AP3S1: variants seen among roughly 807,000 people sequenced by gnomAD.
AP3S1 encodes adaptor related protein complex 3 subunit sigma 1.
In AP3S1, 12 loss-of-function variants were observed where a neutral mutation model predicts 21.3. The observed-to-expected ratio is 0.56, with a 90% CI of 0.36 to 0.91. AP3S1 has a LOEUF of 0.91. AP3S1 is among the 40% of genes least tolerant of loss of function. The probability of loss-of-function intolerance (pLI) is 0.01; values close to 1 mark genes in which losing one functional copy is unlikely to be tolerated. For synonymous variants in AP3S1, 48 were observed against 78.4 expected, an observed-to-expected ratio of 0.61 and a Z score of 2.05; for missense variants, 116 against 225.0, an observed-to-expected ratio of 0.52 and a Z score of 3.10.
At chr5:115,854,614 G>C (rs1762666379) in intron 1 of AP3S1, among the ~76,000 whole-genome samples, 1 of 151,976 alleles carries the variant, frequency 6.6e-6, no homozygotes, top group African/African-American at 2.4e-5. Context: ...TTCTTTGCTA[G>C]GGTCTTCTCT....
intron 2 of AP3S1, among the ~76,000 whole-genome samples, chr5:115,869,493 C>G (rs1346824170): frequency 6.6e-6 from 1 of 152,110 alleles, no homozygotes; most frequent in Non-Finnish European, 1.5e-5. Flanking sequence ...TTTTTCTCTT[C>G]CCTGAACATA....
intron 3 of AP3S1, among the ~76,000 whole-genome samples, chr5:115,874,395 C>T (rs888260090): frequency 5.3e-5 from 8 of 152,080 alleles, no homozygotes; most frequent in African/African-American, 1.9e-4. Flanking sequence ...TATTTATAAG[C>T]AGTTGTATTG....
At chr5:115,857,487 A>G (rs1330425504) in intron 1 of AP3S1, among the ~76,000 whole-genome samples, 5 of 152,176 alleles carry the variant, frequency 3.3e-5, no homozygotes, top group Non-Finnish European at 7.4e-5. Flanking sequence ...GAATAAACCC[A>G]TATATCTGGT....
chr5:115,842,153 G>C, intron 1 of AP3S1, 47 bp downstream of exon 1: 1 of 1,522,816 alleles, frequency 6.6e-7, no homozygotes, highest in Non-Finnish European at 8.8e-7. Context: ...AGTCGTTGGC[G>C]ACGGGCAGCG....
chr5:115,856,079 A>C (rs987535694), intron 1 of AP3S1, among the ~76,000 whole-genome samples: 1 of 152,188 alleles, frequency 6.6e-6, no homozygotes, highest in Non-Finnish European at 1.5e-5. Flanking sequence ...AGTTGTCTTT[A>C]GACTGATGTA....
rs3984986 is a variant in AP3S1, at chr5:115,913,705, AT to A, written c.*226del. 1,889 of 689,664 alleles carry A rather than the reference AT, an allele frequency of 2.7e-3. No homozygotes were observed. Among genetic ancestry groups the A allele is most frequent in the East Asian group, 5.5e-3 (161 of 29,016 alleles). 42.7% of individuals were successfully genotyped at this position (689,664 alleles called of 1,614,324 possible). ...AAAGAAATTGAGTAGTTCCTATGTG[AT>A]TTTTTTTTTTCTTTTCTAAACTGCA... On this transcript the variant is annotated 3_prime_UTR_variant, in exon 6 of 6. Coordinates refer to ENST00000316788, the MANE Select transcript of AP3S1 (RefSeq NM_001284.4).
At chr5:115,908,971 T>A (rs895231155) in intron 5 of AP3S1, 19 of 984,450 alleles carry the variant, frequency 1.9e-5, no homozygotes, top group Non-Finnish European at 2.2e-5. Context: ...TCTTTCACTT[T>A]GCTGTTAGGT....
intron 3 of AP3S1, among the ~76,000 whole-genome samples, chr5:115,880,016 G>T (rs554713608): frequency 6.6e-6 from 1 of 152,334 alleles, no homozygotes; most frequent in East Asian, 1.9e-4. Context: ...AGTATTCTCT[G>T]ATGGTAGTTT....
At chr5:115,908,197 C>T (rs1751814153) in intron 5 of AP3S1, among the ~76,000 whole-genome samples, 2 of 152,074 alleles carry the variant, frequency 1.3e-5, no homozygotes, top group Admixed American at 1.3e-4. Flanking sequence ...TTTTGTCCCT[C>T]ATATAGAGAA....
intron 2 of AP3S1, among the ~76,000 whole-genome samples, chr5:115,869,747 T>C (rs537040344): frequency 1.3e-4 from 20 of 152,328 alleles, no homozygotes; most frequent in African/African-American, 4.8e-4. Context: ...TCTTCCCCAC[T>C]ACCAGTGCTT....
chr5:115,896,666 C>G (rs1039566616), intron 4 of AP3S1, among the ~76,000 whole-genome samples: 1 of 152,082 alleles, frequency 6.6e-6, no homozygotes, highest in African/African-American at 2.4e-5. Flanking sequence ...GTAGTCCTAG[C>G]TGGTTGGGAG....
intron 4 of AP3S1, among the ~76,000 whole-genome samples, chr5:115,898,962 A>G (rs1377594806): frequency 6.6e-6 from 1 of 152,240 alleles, no homozygotes; most frequent in Non-Finnish European, 1.5e-5. Context: ...ATATTGGAAG[A>G]AAGCATCAAA....
chr5:115,847,510 C>T (rs1045120652), intron 1 of AP3S1, among the ~76,000 whole-genome samples: 6 of 151,784 alleles, frequency 4.0e-5, no homozygotes, highest in Admixed American at 2.0e-4. Context: ...GTCTTAGCTG[C>T]TTAGGTGGCT....
At chr5:115,858,224 C>G (rs1455676985) in intron 1 of AP3S1, among the ~76,000 whole-genome samples, 1 of 152,136 alleles carries the variant, frequency 6.6e-6, no homozygotes, top group Admixed American at 6.6e-5. Flanking sequence ...AGAAAAAGGT[C>G]ATGGGAAGTA....
intron 4 of AP3S1, among the ~76,000 whole-genome samples, chr5:115,896,150 T>A (rs1750740612): frequency 6.6e-6 from 1 of 152,212 alleles, no homozygotes. Context: ...GTGTTAAAAG[T>A]CAACAGTTTT....
At chr5:115,870,291 A>G (rs1748112872) in intron 3 of AP3S1, among the ~76,000 whole-genome samples, 163 bp downstream of exon 3, 1 of 152,232 alleles carries the variant, frequency 6.6e-6, no homozygotes, top group Non-Finnish European at 1.5e-5. Flanking sequence ...AGAAACAAGC[A>G]AACATTTGAT....
intron 1 of AP3S1, among the ~76,000 whole-genome samples, chr5:115,851,427 C>T (rs890788790): frequency 1.3e-5 from 2 of 152,190 alleles, no homozygotes; most frequent in South Asian, 4.1e-4. Context: ...AGTGGCTGTA[C>T]CATTTTACAT....
intron 4 of AP3S1, among the ~76,000 whole-genome samples, chr5:115,899,368 T>A (rs1751024943): frequency 6.6e-6 from 1 of 152,168 alleles, no homozygotes; most frequent in East Asian, 1.9e-4. Context: ...CAAGAGAGAT[T>A]AACAGATTGA....
At chr5:115,855,056 T>TATCC in intron 1 of AP3S1, among the ~76,000 whole-genome samples, 1 of 151,896 alleles carries the variant, frequency 6.6e-6, no homozygotes, top group Non-Finnish European at 1.5e-5. Flanking sequence ...TCTATCTATC[T>TATCC]ATCTATCTCT....
Sources: allele counts gnomAD v4.1 joint callset (sites outside exome capture counted in the v4.1 genomes callset), GRCh38; gene constraint gnomAD v4.1.1; transcripts MANE v1.5; gene names NCBI Gene and HGNC (gene_info 2026-07-23, HGNC 2026-07-21).